The following VPS13B variants were observed in gnomAD, a reference collection of about 807,000 sequenced individuals.
VPS13B encodes intermembrane lipid transfer protein VPS13B.
A neutral mutation model predicts 426.4 loss-of-function variants in VPS13B; 285 were observed. The observed-to-expected ratio is 0.67, with a 90% CI of 0.61 to 0.74. VPS13B has a LOEUF of 0.74. Ranked by LOEUF, VPS13B falls within the 30% of genes least tolerant of loss-of-function variation. The pLI, the probability that VPS13B is intolerant of heterozygous loss-of-function variation, is 0.00. For synonymous variants in VPS13B, 1,676 were observed against 1,676.4 expected (o/e 1.00, Z 0.01); for missense variants, 4,537 against 4,782.6 (o/e 0.95, Z 1.51).
intron 3 of VPS13B, among the ~76,000 whole-genome samples, chr8:99,093,132 T>G (rs1231288746): frequency 6.6e-6 from 1 of 152,034 alleles, no homozygotes; most frequent in African/African-American, 2.4e-5. Flanking sequence ...TGTAGAGAGA[T>G]AATTAAATCA....
intron 19 of VPS13B, among the ~76,000 whole-genome samples, chr8:99,331,547 A>G (rs1246191264): frequency 1.3e-5 from 2 of 151,954 alleles, no homozygotes; most frequent in Middle Eastern, 3.4e-3. Flanking sequence ...ATTGCTAAAA[A>G]ACTGATACTT....
chr8:99,561,699 T>C (rs1029081969), intron 31 of VPS13B, among the ~76,000 whole-genome samples: 2 of 152,208 alleles, frequency 1.3e-5, no homozygotes, highest in Non-Finnish European at 2.9e-5. Context: ...TGATGTTTGA[T>C]TGGTTAAGTG....
intron 25 of VPS13B, among the ~76,000 whole-genome samples, chr8:99,495,895 T>C (rs973672420): frequency 1.3e-5 from 2 of 152,210 alleles, no homozygotes; most frequent in African/African-American, 4.8e-5. Flanking sequence ...GGTTGAGGCG[T>C]CTGGTGAGTA....
chr8:99,299,299 GTAA>G (rs964704494), intron 19 of VPS13B, among the ~76,000 whole-genome samples: 5 of 151,592 alleles, frequency 3.3e-5, no homozygotes, highest in African/African-American at 1.2e-4. Context: ...CTTACCTCAG[GTAA>G]TCCACTGCCT....
intron 34 of VPS13B, among the ~76,000 whole-genome samples, chr8:99,652,194 A>C (rs1829842684): frequency 6.6e-6 from 1 of 152,134 alleles, no homozygotes; most frequent in Non-Finnish European, 1.5e-5. Context: ...ATGAGAGCTC[A>C]GGATTAGACC....
intron 52 of VPS13B, 112 bp downstream of exon 52, chr8:99,832,764 C>A: frequency 9.1e-7 from 1 of 1,095,044 alleles, no homozygotes; most frequent in Non-Finnish European, 1.3e-6. Flanking sequence ...TAATATTAGG[C>A]TTTATTTTTA....
rs186898230 is a variant in VPS13B, at chr8:99,228,398, T to C, written c.2515+35341T>C. On this transcript the variant is annotated intron_variant, in intron 17 of 61. Transcript: ENST00000357162. ...TTTCATTTTTCCTTGGTAACTAATA[T>C]GTACTTGTGAGGAAGTGTCCTAAAA... 6.3e-3 allele frequency among the ~76,000 whole-genome samples: 961 copies of C among 152,326 alleles called. 8 individuals carry two copies. Among genetic ancestry groups the C allele is most frequent in the African/African-American group, 0.022 (902 of 41,582 alleles).
intron 21 of VPS13B, among the ~76,000 whole-genome samples, chr8:99,428,067 G>A (rs1435554098): frequency 6.6e-6 from 1 of 152,166 alleles, no homozygotes; most frequent in African/African-American, 2.4e-5. Context: ...ATGGTGCTGG[G>A]AATACTGGCT....
At chr8:99,374,406 C>G (rs1459329422) in intron 19 of VPS13B, among the ~76,000 whole-genome samples, 2 of 152,014 alleles carry the variant, frequency 1.3e-5, no homozygotes, top group Non-Finnish European at 2.9e-5. Context: ...AATTTCCCTT[C>G]AATTCTAACA....
intron 61 of VPS13B, chr8:99,873,399 C>A (rs535794689): frequency 6.6e-6 from 1 of 152,276 alleles, no homozygotes; most frequent in African/African-American, 2.4e-5. Context: ...AGAGAAGCAA[C>A]ACTGAAGCTC....
chr8:99,774,189 G>A (rs1169027945), intron 40 of VPS13B, among the ~76,000 whole-genome samples: 1 of 152,152 alleles, frequency 6.6e-6, no homozygotes, highest in African/African-American at 2.4e-5. Context: ...TTTAAGAAGT[G>A]TGTGATTTTG....
intron 29 of VPS13B, among the ~76,000 whole-genome samples, chr8:99,520,634 T>G (rs1399547524): frequency 6.6e-6 from 1 of 152,046 alleles, no homozygotes; most frequent in Non-Finnish European, 1.5e-5. Flanking sequence ...TATCATAATT[T>G]TTAATGTTGG....
intron 3 of VPS13B, among the ~76,000 whole-genome samples, chr8:99,079,045 A>G (rs960862795): frequency 6.6e-6 from 1 of 152,058 alleles, no homozygotes; most frequent in African/African-American, 2.4e-5. Flanking sequence ...ATCAATCTCC[A>G]GGCTCCCAGA....
At chr8:99,573,769 T>A (rs1417725251) in intron 31 of VPS13B, among the ~76,000 whole-genome samples, 3 of 152,142 alleles carry the variant, frequency 2.0e-5, no homozygotes, top group Non-Finnish European at 2.9e-5. Flanking sequence ...CTTAGGATTG[T>A]CTTGGCAATG....
At chr8:99,811,233 C>A (rs1157127032) in intron 44 of VPS13B, among the ~76,000 whole-genome samples, 2 of 152,120 alleles carry the variant, frequency 1.3e-5, no homozygotes, top group African/African-American at 2.4e-5. Context: ...TGATTTCGAA[C>A]CAAAAATCTT....
chr8:99,662,604 G>A (rs542119455), intron 35 of VPS13B, among the ~76,000 whole-genome samples: 6 of 152,000 alleles, frequency 3.9e-5, no homozygotes, highest in East Asian at 1.9e-4. Flanking sequence ...GTGCCACCAC[G>A]CCCAACTAGT....
chr8:99,449,699 A>G (rs146921239), intron 23 of VPS13B, among the ~76,000 whole-genome samples: 1,842 of 152,312 alleles, frequency 0.012, 19 homozygotes, highest in Non-Finnish European at 0.016. Flanking sequence ...TGGATCATGT[A>G]TAAATGATTA....
At chr8:99,637,566 C>G (rs929834862) in intron 33 of VPS13B, among the ~76,000 whole-genome samples, 1 of 152,126 alleles carries the variant, frequency 6.6e-6, no homozygotes, top group African/African-American at 2.4e-5. Flanking sequence ...GAGCTGATAG[C>G]TGCCATCCTG....
chr8:99,502,808 T>G, intron 26 of VPS13B, 28 bp from the exon 27 acceptor site: 2 of 1,466,224 alleles, frequency 1.4e-6, no homozygotes, highest in Non-Finnish European at 1.9e-6. Flanking sequence ...AAGACTGTGT[T>G]GATATTACTG....
Sources: gnomAD v4.1 joint callset for allele counts (sites outside exome capture counted in the v4.1 genomes callset) on GRCh38, gnomAD v4.1.1 for gene constraint, MANE v1.5 for transcripts, NCBI Gene and HGNC (gene_info 2026-07-23, HGNC 2026-07-21) for gene names.